Variants in CROT observed in about 807,000 individuals in gnomAD.
The protein encoded by CROT is carnitine O-octanoyltransferase.
Under a neutral mutation model 89.2 loss-of-function variants are expected in CROT, and 84 were observed. The ratio of observed to expected loss-of-function variants is 0.94; its 90% CI spans 0.79 to 1.13. The LOEUF (loss-of-function observed/expected upper bound fraction) is 1.13, where lower values mean the gene tolerates loss of function less well. Ranked by LOEUF, CROT falls within the 50% of genes most tolerant of loss-of-function variation. The pLI is 0.00. For synonymous variants in CROT, 212 were observed against 239.5 expected, an observed-to-expected ratio of 0.89 and a Z score of 1.06; for missense variants, 711 against 727.8, an observed-to-expected ratio of 0.98 and a Z score of 0.27.
chr7:87,398,263 C>G (rs770975732), intron 17 of CROT: 7 of 621,432 alleles, frequency 1.1e-5, no homozygotes, highest in Non-Finnish European at 2.1e-5. Flanking sequence ...CGCAGTAAGA[C>G]CTAGCTTCAG....
At chr7:87,361,024 A>G (rs1299781342) in intron 4 of CROT, among the ~76,000 whole-genome samples, 1 of 152,180 alleles carries the variant, frequency 6.6e-6, no homozygotes, top group Non-Finnish European at 1.5e-5. Context: ...GCTGGAGTGC[A>G]GTGGTGCAAT....
chr7:87,392,129 T>C (rs78780567), intron 14 of CROT, among the ~76,000 whole-genome samples: 6,511 of 152,288 alleles, frequency 0.043, 447 homozygotes, highest in African/African-American at 0.15. Flanking sequence ...TACTCTTTTT[T>C]TTGAAGCATT....
At chr7:87,376,072 T>A in intron 9 of CROT, 119 bp downstream of exon 9, 1 of 893,564 alleles carries the variant, frequency 1.1e-6, no homozygotes. Flanking sequence ...TTTTTCTTAG[T>A]TATACAATAT....
At chr7:87,381,663 C>T (rs969770396) in intron 10 of CROT, among the ~76,000 whole-genome samples, 9 of 152,126 alleles carry the variant, frequency 5.9e-5, no homozygotes, top group African/African-American at 1.9e-4. Flanking sequence ...ACCCTCATGA[C>T]CCCAAGCCCC....
rs765270621 is a variant in CROT at position 87,369,451 on chromosome 7, A to T, written c.623A>T (p.Glu208Val). Residue 208 changes from glutamate to valine, a missense_variant, in exon 7 of 18, where the codon GAA becomes GTA. Physicochemically the swap from Glu to Val is moderately radical, Grantham distance 121 (BLOSUM62 -2). Transcript: ENST00000331536. ...GCTTTTGTCTTTGATGTAATACATG[A>T]AGGATGTTTGGTCACCCCGCCAGAG... ...GRAFVFDVIH[E>V]GCLVTPPELL... 1 of 1,613,020 alleles carries T rather than the reference A, an allele frequency of 6.2e-7. No homozygotes were observed. The highest frequency in any genetic ancestry group is 8.5e-7 in the Non-Finnish European group (1 of 1,179,404).
chr7:87,351,167 G>A (rs747419569), intron 3 of CROT, among the ~76,000 whole-genome samples: 2 of 151,928 alleles, frequency 1.3e-5, no homozygotes, highest in Non-Finnish European at 2.9e-5. Context: ...AAATTAGCCA[G>A]GCGTGGTGGC....
In CROT at chr7:87,351,192, C is replaced by T. The variant is rs371446859; in HGVS notation, c.115+2009C>T. On this transcript the variant is annotated intron_variant, in intron 3 of 17. Transcript: ENST00000331536. ...GGCGTGGTGGCGGGCCCTTGTAGTC[C>T]CAGCTACTCAGGAGCCTGAGACAGG... Among the ~76,000 whole-genome samples the T allele has an allele frequency of 8.6e-5, 13 of 151,396 alleles. No individual in the cohort carries two copies. In the East Asian group the frequency reaches 1.9e-3, roughly 23 times the overall value.
At chr7:87,364,705 C>T (rs1048426390) in intron 6 of CROT, among the ~76,000 whole-genome samples, 1 of 151,944 alleles carries the variant, frequency 6.6e-6, no homozygotes, top group Non-Finnish European at 1.5e-5. Context: ...AGATAAGGAG[C>T]CAAAGTCATT....
chr7:87,365,455 A>G (rs1226067280), intron 6 of CROT, among the ~76,000 whole-genome samples: 1 of 150,510 alleles, frequency 6.6e-6, no homozygotes, highest in Non-Finnish European at 1.5e-5. Context: ...ATGCCACTGC[A>G]CTCCGGCCTG....
chr7:87,345,836 G>T (rs543737073), intron 1 of CROT, 69 bp downstream of exon 1: 6 of 186,154 alleles, frequency 3.2e-5, no homozygotes, highest in Non-Finnish European at 6.6e-5. Flanking sequence ...GTTAAGTCGT[G>T]CAGAACCGCA....
intron 3 of CROT, among the ~76,000 whole-genome samples, chr7:87,358,311 A>G (rs1263026039): frequency 1.4e-4 from 21 of 151,162 alleles, no homozygotes; most frequent in African/African-American, 4.4e-4. Flanking sequence ...CCCCGTCTCT[A>G]CTAAAAATAC....
intron 16 of CROT, 36 bp downstream of exon 16, chr7:87,392,859 G>A (rs1211515937): frequency 6.2e-7 from 1 of 1,608,462 alleles, no homozygotes; most frequent in African/African-American, 1.3e-5. Flanking sequence ...TTCATCAATT[G>A]GCTTCCTCTT....
rs1478734983 is a variant in CROT, at chr7:87,399,170, G to A, written c.*526G>A. The A allele has an allele frequency of 1.3e-5, 2 of 153,718 alleles. No individual in the cohort carries two copies. Among genetic ancestry groups the A allele is most frequent in the Non-Finnish European group, 2.9e-5 (2 of 69,202 alleles). 9.5% of individuals were successfully genotyped at this position (153,718 alleles called of 1,614,324 possible). Reference sequence around the variant, plus strand: ...ATGGGAAAGACCACTACAATCTAATGGTGATCTAAAATAACTTTTTTGGGC... The same window carrying A: ...ATGGGAAAGACCACTACAATCTAATAGTGATCTAAAATAACTTTTTTGGGC... On this transcript the variant is annotated 3_prime_UTR_variant, in exon 18 of 18. Coordinates refer to ENST00000331536, the MANE Select transcript of CROT (RefSeq NM_021151.4).
At chr7:87,365,609 GTTTT>G (rs869066747) in intron 6 of CROT, among the ~76,000 whole-genome samples, 14 of 143,080 alleles carry the variant, frequency 9.8e-5, no homozygotes, top group Admixed American at 3.4e-4. Context: ...CTAGTTTTTT[GTTTT>G]TTGTTTGTCT....
At chr7:87,379,067 C>T (rs1398281159) in intron 10 of CROT, among the ~76,000 whole-genome samples, 2 of 152,160 alleles carry the variant, frequency 1.3e-5, no homozygotes, top group Non-Finnish European at 2.9e-5. Flanking sequence ...TTCTCCTTGA[C>T]CTTCCTCAGT....
intron 10 of CROT, among the ~76,000 whole-genome samples, chr7:87,379,416 G>C (rs1336793170): frequency 1.3e-5 from 2 of 152,070 alleles, no homozygotes; most frequent in Non-Finnish European, 2.9e-5. Flanking sequence ...ATGTTATATT[G>C]TTATATAAGA....
At chr7:87,350,997 T>A (rs1462290238) in intron 3 of CROT, among the ~76,000 whole-genome samples, 2 of 151,372 alleles carry the variant, frequency 1.3e-5, no homozygotes, top group Non-Finnish European at 2.9e-5. Context: ...GTGGCTGGTG[T>A]CTTTTTGATA....
intron 13 of CROT, among the ~76,000 whole-genome samples, chr7:87,384,091 C>T (rs1430120813): frequency 1.3e-5 from 2 of 151,992 alleles, no homozygotes; most frequent in African/African-American, 4.8e-5. Context: ...TCTGTTATTG[C>T]CTATCTTTTT....
At chr7:87,388,655 C>T (rs1807258626) in intron 13 of CROT, among the ~76,000 whole-genome samples, 1 of 152,130 alleles carries the variant, frequency 6.6e-6, no homozygotes, top group African/African-American at 2.4e-5. Flanking sequence ...AAACATAAGA[C>T]CTAAACCCAT....
Sources: gnomAD v4.1 joint callset for allele counts (sites outside exome capture counted in the v4.1 genomes callset) on GRCh38, gnomAD v4.1.1 for gene constraint, MANE v1.5 for transcripts, NCBI Gene and HGNC (gene_info 2026-07-23, HGNC 2026-07-21) for gene names.